USH2A: variants seen among roughly 807,000 people sequenced by gnomAD.
USH2A encodes the protein usherin, also known as Usher syndrome 2A (autosomal recessive, mild).
USH2A carries 443 observed loss-of-function variants against 538.9 expected under a neutral mutation model. The observed-to-expected ratio is 0.82, with a 90% confidence interval of 0.76 to 0.89. The LOEUF (loss-of-function observed/expected upper bound fraction) is 0.89, where lower values mean the gene tolerates loss of function less well. USH2A is among the 40% of genes least tolerant of loss of function. The pLI, the probability that USH2A is intolerant of heterozygous loss-of-function variation, is 0.00. For missense variants in USH2A, 6,633 were observed against 6,324.8 expected (o/e 1.05, Z -1.65); for synonymous variants, 2,413 against 2,273.5 (o/e 1.06, Z -1.75).
intron 13 of USH2A, among the ~76,000 whole-genome samples, chr1:216,236,464 A>T (rs1050439189): frequency 6.6e-6 from 1 of 152,160 alleles, no homozygotes; most frequent in African/African-American, 2.4e-5. Flanking sequence ...TGTATACCTT[A>T]ACACCAACAT....
chr1:216,371,459 C>A (rs1414035111), intron 3 of USH2A, among the ~76,000 whole-genome samples: 2 of 152,300 alleles, frequency 1.3e-5, no homozygotes, highest in African/African-American at 4.8e-5. Context: ...GCAATGACAT[C>A]ATGCAGCTAA....
At chr1:216,380,932 C>T (rs889183115) in intron 3 of USH2A, among the ~76,000 whole-genome samples, 5 of 151,852 alleles carry the variant, frequency 3.3e-5, no homozygotes, top group Non-Finnish European at 4.4e-5. Context: ...AGATATTTTG[C>T]TCTTCTGAGC....
chr1:215,854,191 G>T (rs939420729), intron 44 of USH2A, among the ~76,000 whole-genome samples: 4 of 152,154 alleles, frequency 2.6e-5, no homozygotes, highest in Non-Finnish European at 5.9e-5. Flanking sequence ...TTACATGGCG[G>T]TAGACAAGAA....
chr1:216,080,541 G>T (rs1376853459), intron 26 of USH2A, among the ~76,000 whole-genome samples: 1 of 152,010 alleles, frequency 6.6e-6, no homozygotes, highest in Non-Finnish European at 1.5e-5. Context: ...AGATGAAAAA[G>T]TGGCAATAAC....
intron 43 of USH2A, among the ~76,000 whole-genome samples, chr1:215,875,473 G>A (rs1257173282): frequency 1.3e-5 from 2 of 152,076 alleles, no homozygotes; most frequent in African/African-American, 2.4e-5. Context: ...GTGTGTTTAT[G>A]TCAATTCATG....
chr1:215,648,058 G>A (rs1050316229), intron 66 of USH2A, among the ~76,000 whole-genome samples: 6 of 152,142 alleles, frequency 3.9e-5, no homozygotes, highest in Admixed American at 1.3e-4. Flanking sequence ...TCTCTTTTTA[G>A]AGTAAATAAT....
At chr1:216,343,747 G>A (rs1293697792) in intron 4 of USH2A, among the ~76,000 whole-genome samples, 1 of 151,954 alleles carries the variant, frequency 6.6e-6, no homozygotes, top group African/African-American at 2.4e-5. Flanking sequence ...TGTTTAGTGT[G>A]ACACTAAGAA....
At chr1:216,195,156 G>A (rs1381323492) in intron 19 of USH2A, among the ~76,000 whole-genome samples, 1 of 152,042 alleles carries the variant, frequency 6.6e-6, no homozygotes, top group African/African-American at 2.4e-5. Flanking sequence ...TTATAATCTT[G>A]GAATTGTCTC....
intron 52 of USH2A, among the ~76,000 whole-genome samples, chr1:215,784,343 C>G (rs1475609428): frequency 6.6e-6 from 1 of 152,202 alleles, no homozygotes; most frequent in East Asian, 1.9e-4. Context: ...CCTAGACCAT[C>G]TACCTACCCT....
intron 11 of USH2A, among the ~76,000 whole-genome samples, chr1:216,265,952 A>T (rs1485542380): frequency 1.3e-5 from 2 of 152,058 alleles, no homozygotes; most frequent in African/African-American, 4.8e-5. Flanking sequence ...AAAATCACAG[A>T]TAGGTAAGAA....
intron 38 of USH2A, among the ~76,000 whole-genome samples, chr1:215,923,824 G>T (rs76654268): frequency 0.023 from 3,459 of 151,966 alleles, 60 homozygotes; most frequent in Middle Eastern, 0.061. Flanking sequence ...GAAAGAAAAA[G>T]GGAGACCAGC....
intron 44 of USH2A, among the ~76,000 whole-genome samples, chr1:215,859,924 A>C (rs1320627172): frequency 2.6e-5 from 4 of 152,150 alleles, no homozygotes; most frequent in Non-Finnish European, 4.4e-5. Flanking sequence ...GATGAGGCCT[A>C]GTTGGAGGTG....
At chr1:216,065,934 AC>A (rs879443269) in intron 30 of USH2A, among the ~76,000 whole-genome samples, 5 of 151,984 alleles carry the variant, frequency 3.3e-5, no homozygotes, top group African/African-American at 4.8e-5. Context: ...AAAATAAAAA[AC>A]AATGGACCTA....
At chr1:216,046,617 T>C in intron 31 of USH2A, 25 bp from the exon 32 acceptor site, 4 of 1,613,074 alleles carry the variant, frequency 2.5e-6, no homozygotes, top group Non-Finnish European at 3.4e-6. Flanking sequence ...ATTTATAGAG[T>C]CTAATTTTAG....
In USH2A at chr1:216,200,076, T is replaced by A. The variant is rs764137757; in HGVS notation, c.3362A>T (p.Tyr1121Phe). The change falls in exon 17 of 72, where the codon TAT becomes TTT. Residue 1121 changes from tyrosine (Y) to phenylalanine (F), a missense_variant. Transcript: ENST00000307340. Reference sequence around the variant, plus strand: ...ATTGGTGGTCTCAATGTAATAGGAATATTTGGTATATGGTAACAGGTCTGT... The same window carrying A: ...ATTGGTGGTCTCAATGTAATAGGAAAATTTGGTATATGGTAACAGGTCTGT... ...LDTDLLPYTK[Y>F]SYYIETTNVH... 1.2e-6 allele frequency: 2 copies of A among 1,613,454 alleles called. No homozygotes were observed. Among genetic ancestry groups the A allele is most frequent in the East Asian group, 2.2e-5 (1 of 44,794 alleles).
intron 38 of USH2A, among the ~76,000 whole-genome samples, chr1:215,932,915 C>A (rs1010988370): frequency 2.1e-4 from 32 of 151,898 alleles, no homozygotes; most frequent in Non-Finnish European, 2.9e-5. Flanking sequence ...ATTCACATAG[C>A]GCATATTCCG....
At chr1:215,678,254 T>C (rs1658097445) in intron 62 of USH2A, among the ~76,000 whole-genome samples, 1 of 152,230 alleles carries the variant, frequency 6.6e-6, no homozygotes. Context: ...AAGCCTTCAG[T>C]AATTTTTCAT....
intron 61 of USH2A, among the ~76,000 whole-genome samples, chr1:215,716,126 A>G (rs1339691442): frequency 6.6e-6 from 1 of 151,940 alleles, no homozygotes; most frequent in Non-Finnish European, 1.5e-5. Context: ...TCTAATCAAT[A>G]CAATGTATTA....
rs1457554462 is a variant in USH2A, at chr1:215,845,929, T to A, written c.8950A>T (p.Ile2984Phe). The A allele has an allele frequency of 6.2e-7, 1 of 1,613,816 alleles. No homozygotes were observed. The highest frequency in any genetic ancestry group is 1.3e-5 in the African/African-American group (1 of 74,904). ...KILPDVNSHV[I>F]GHLKPNTEYW... The stretch of plus-strand genomic sequence containing the variant: ...TCTGTGTTTGGCTTTAGGTGGCCAA[T>A]GACATGAGAGTTTACATCTGGCAAG... The change falls in exon 45 of 72, where the codon ATT (isoleucine) becomes TTT (phenylalanine). Residue 2984 changes from isoleucine (I) to phenylalanine (F), a missense_variant. By Grantham distance (21) the Ile-to-Phe change is conservative. Transcript: ENST00000307340.
Sources: gnomAD v4.1 joint callset for allele counts (sites outside exome capture counted in the v4.1 genomes callset) on GRCh38, gnomAD v4.1.1 for gene constraint, MANE v1.5 for transcripts, NCBI Gene and HGNC (gene_info 2026-07-23, HGNC 2026-07-21) for gene names.